Variants in ARHGAP39 observed in about 807,000 individuals in gnomAD.
The protein encoded by ARHGAP39 is Rho GTPase activating protein 39.
In ARHGAP39, 44 loss-of-function variants were observed where a neutral mutation model predicts 106.9. That is an observed-to-expected ratio of 0.41 (90% CI 0.32 to 0.53). The LOEUF (loss-of-function observed/expected upper bound fraction) is 0.53. ARHGAP39 is among the 20% of genes least tolerant of loss of function. ARHGAP39 has a pLI of 0.21. For missense variants in ARHGAP39, 1,496 were observed against 1,577.3 expected, an observed-to-expected ratio of 0.95 and a Z score of 0.87; for synonymous variants, 768 against 693.2, an observed-to-expected ratio of 1.11 and a Z score of -1.69.
chr8:144,602,423 C>G (rs1820046222), intron 2 of ARHGAP39, among the ~76,000 whole-genome samples: 1 of 119,842 alleles, frequency 8.3e-6, no homozygotes, highest in Admixed American at 9.4e-5. Flanking sequence ...GCTTGTGTAC[C>G]TGTGTGTGTG....
intron 1 of ARHGAP39, among the ~76,000 whole-genome samples, chr8:144,651,528 C>T (rs1182035854): frequency 6.6e-6 from 1 of 152,032 alleles, no homozygotes; most frequent in Non-Finnish European, 1.5e-5. Flanking sequence ...CATGGTGAAA[C>T]CCCATCTCTA....
At chr8:144,616,105 G>A (rs1026375220) in intron 1 of ARHGAP39, among the ~76,000 whole-genome samples, 3 of 152,268 alleles carry the variant, frequency 2.0e-5, no homozygotes, top group Non-Finnish European at 2.9e-5. Context: ...TCTTACTGTG[G>A]TGTGGCTGCT....
rs531667043 is a variant in ARHGAP39, at chr8:144,589,844, C to T, written c.81-8567G>A. ...GGTGGGGGCTCAGGCCAGGCCCCGC[C>T]TCCTCCAGAAGCCTTAGGACAAGGG... On this transcript the variant is annotated intron_variant, in intron 2 of 11. Transcript: ENST00000377307. 1.1e-4 allele frequency among the ~76,000 whole-genome samples: 16 copies of T among 152,360 alleles called. No homozygotes were observed. The South Asian group carries it at 3.3e-3, about 32-fold the overall frequency.
chr8:144,674,934 G>A (rs942068024), intron 1 of ARHGAP39, among the ~76,000 whole-genome samples: 4 of 152,288 alleles, frequency 2.6e-5, no homozygotes, highest in South Asian at 2.1e-4. Context: ...GCCAGGTAGC[G>A]GGAGGAGGCT....
upstream of ARHGAP39, among the ~76,000 whole-genome samples, chr8:144,686,372 T>C (rs972003201): frequency 4.6e-5 from 7 of 152,294 alleles, no homozygotes; most frequent in Non-Finnish European, 1.0e-4. Flanking sequence ...AGTGCTCTAT[T>C]CGGCGTTTTC....
chr8:144,591,385 A>G lies in ARHGAP39; in HGVS notation c.81-10108T>C, dbSNP rs1260988690. Among the ~76,000 whole-genome samples, 2 of 152,186 alleles carry G rather than the reference A, an allele frequency of 1.3e-5. No individual in the cohort carries two copies. Among genetic ancestry groups the G allele is most frequent in the Non-Finnish European group, 2.9e-5 (2 of 68,030 alleles). ...GCACCTGCAAGCAGACATCTGCAGG[A>G]AACTTGTCTTGAGGCCTGGGGGGAC... On this transcript the variant is annotated intron_variant, in intron 2 of 11. Coordinates refer to ENST00000377307, the MANE Select transcript of ARHGAP39 (RefSeq NM_025251.3). The surrounding 1 kb of genome is among the most constrained non-coding windows in gnomAD (Gnocchi z 5.3).
At position 144,605,566 on chromosome 8, in the gene ARHGAP39, G is replaced by T. The variant is rs1563703935; in HGVS notation, c.49C>A (p.Pro17Thr). The stretch of plus-strand genomic sequence containing the variant: ...TTCGACCCTGGAATCCTCGACTCCG[G>T]CAGGTCGACATTATGGCTCCTGCAC... ...YECRSHNVDL[P>T]ESRIPGSNTR... Residue 17 changes from proline (P) to threonine (T), a missense_variant, in exon 2 of 12, where the codon CCG becomes ACG. Transcript: ENST00000377307. 6.2e-7 allele frequency: 1 copy of T among 1,613,914 alleles called. No individual in the cohort carries two copies. The highest frequency in any genetic ancestry group is 8.5e-7 in the Non-Finnish European group (1 of 1,180,030).
chr8:144,594,458 G>A (rs1483920765), intron 2 of ARHGAP39, among the ~76,000 whole-genome samples: 1 of 152,168 alleles, frequency 6.6e-6, no homozygotes, highest in East Asian at 1.9e-4. Flanking sequence ...ACTTTGGGAG[G>A]CCGAGGTGGG....
At chr8:144,631,815 C>A (rs1389657418) in intron 1 of ARHGAP39, among the ~76,000 whole-genome samples, 2 of 152,254 alleles carry the variant, frequency 1.3e-5, no homozygotes, top group African/African-American at 4.8e-5. Flanking sequence ...CTCCTGTTTT[C>A]TTGTAACCTT....
intron 1 of ARHGAP39, among the ~76,000 whole-genome samples, chr8:144,611,319 C>T (rs1451610344): frequency 2.0e-5 from 3 of 152,094 alleles, no homozygotes; most frequent in East Asian, 1.9e-4. Flanking sequence ...GTAAATGTCC[C>T]GTGTGCACTG....
chr8:144,578,431 G>A (rs772185022), intron 3 of ARHGAP39, among the ~76,000 whole-genome samples: 4 of 152,280 alleles, frequency 2.6e-5, no homozygotes, highest in East Asian at 3.9e-4. Flanking sequence ...GTTCTGCCAC[G>A]TTGGACAAGC....
intron 1 of ARHGAP39, among the ~76,000 whole-genome samples, chr8:144,649,660 C>T (rs1354164286): frequency 8.5e-5 from 13 of 152,102 alleles, no homozygotes; most frequent in Admixed American, 8.5e-4. Context: ...ATTCTAGCTA[C>T]TCGGGAGGCT....
intron 7 of ARHGAP39, 122 bp downstream of exon 7, chr8:144,537,599 T>G: frequency 2.3e-6 from 2 of 882,900 alleles, no homozygotes; most frequent in Non-Finnish European, 3.5e-6. Flanking sequence ...GCCACAGGCC[T>G]GAGGTTAGTG....
At position 144,547,907 on chromosome 8, in the gene ARHGAP39, C is replaced by A; in HGVS notation, c.1179G>T (p.Glu393Asp). 2.5e-6 allele frequency: 4 copies of A among 1,585,278 alleles called. No individual in the cohort carries two copies. The highest frequency in any genetic ancestry group is 2.6e-6 in the Non-Finnish European group (3 of 1,166,506). Reference protein sequence around the residue: ...LSLEYSPAGKEYVRQLVYVEQ... With the variant: ...LSLEYSPAGKDYVRQLVYVEQ... The stretch of plus-strand genomic sequence containing the variant: ...CCACGTAGACCAGCTGCCGCACGTA[C>A]TCCTTGCCGGCGGGACTGTACTCCA... Residue 393 changes from glutamate to aspartate, a missense_variant, in exon 5 of 12, where the codon GAG becomes GAT. By Grantham distance (45) the Glu-to-Asp change is conservative. Around this residue, in one of 4 missense-constraint regions of ARHGAP39, gnomAD observed 905 missense variants for 816.4 expected, o/e 1.11. Coordinates refer to ENST00000377307, the MANE Select transcript of ARHGAP39 (RefSeq NM_025251.3). This position sits in a 1 kb window ranked among gnomAD's most constrained non-coding sequence, Gnocchi z 5.2.
chr8:144,530,285 G>A lies in ARHGAP39; in HGVS notation c.*137C>T, dbSNP rs562436455. On this transcript the variant is annotated 3_prime_UTR_variant, in exon 12 of 12. Coordinates refer to ENST00000377307, the MANE Select transcript of ARHGAP39 (RefSeq NM_025251.3). ...CCAGGCAGAAGACGTGGGGAGCGCC[G>A]GGGCCAGGGGCCTGGGGGAGTGGAG... The A allele has an allele frequency of 2.0e-5, 19 of 959,496 alleles. No homozygotes were observed. The highest frequency in any genetic ancestry group is 2.7e-5 in the Non-Finnish European group (18 of 660,976). 59.4% of individuals were successfully genotyped at this position (959,496 alleles called of 1,614,324 possible).
At chr8:144,683,375 T>G (rs1235529813) in intron 1 of ARHGAP39, 8 of 143,346 alleles carry the variant, frequency 5.6e-5, no homozygotes, top group African/African-American at 7.7e-5. Context: ...TGAGACAGAG[T>G]CTCGCTCTGT....
At chr8:144,584,083 A>G (rs980033466) in intron 2 of ARHGAP39, 43 of 152,278 alleles carry the variant, frequency 2.8e-4, no homozygotes, top group African/African-American at 9.9e-4. Context: ...TAAAAGTGGC[A>G]TATGTGTTTA....
At chr8:144,686,269 T>C (rs1286277371), upstream of ARHGAP39, among the ~76,000 whole-genome samples, 1 of 152,158 alleles carries the variant, frequency 6.6e-6, no homozygotes, top group Non-Finnish European at 1.5e-5. Context: ...TCAGTCCTTC[T>C]TGTGGCGGGC....
At chr8:144,602,892 A>C (rs1201963548) in intron 2 of ARHGAP39, among the ~76,000 whole-genome samples, 1 of 71,256 alleles carries the variant, frequency 1.4e-5, no homozygotes, top group African/African-American at 5.7e-5. Context: ...TGTGTGTGAG[A>C]GCTCATGTAC....
Sources: gnomAD v4.1 joint callset for allele counts (sites outside exome capture counted in the v4.1 genomes callset) on GRCh38, gnomAD v4.1.1 for gene constraint, gnomAD v4.1.1 regional missense constraint, Gnocchi (gnomAD v3.1) non-coding constraint, MANE v1.5 for transcripts, NCBI Gene and HGNC (gene_info 2026-07-23, HGNC 2026-07-21) for gene names.